The following DPY19L4 variants were observed in gnomAD, a reference collection of about 807,000 sequenced individuals.
DPY19L4 encodes the protein probable C-mannosyltransferase DPY19L4.
In DPY19L4, 97 loss-of-function variants were observed where a neutral mutation model predicts 102.8. The observed-to-expected ratio is 0.94, with a 90% CI of 0.80 to 1.12. The LOEUF (loss-of-function observed/expected upper bound fraction) is 1.12. Among genes scored for constraint, DPY19L4 ranks in the 50% most tolerant of loss-of-function variants. The pLI, the probability that DPY19L4 is intolerant of heterozygous loss-of-function variation, is 0.00. For missense variants in DPY19L4, 815 were observed against 850.4 expected (o/e 0.96, Z 0.52); for synonymous variants, 252 against 283.1 (o/e 0.89, Z 1.10).
chr8:94,764,589 AAAAG>A (rs1329375199), intron 8 of DPY19L4, among the ~76,000 whole-genome samples: 2 of 146,514 alleles, frequency 1.4e-5, no homozygotes, highest in African/African-American at 2.5e-5. Flanking sequence ...AAAAAAAAAA[AAAAG>A]AAAACAGTGA....
At chr8:94,767,036 C>T (rs1812705616) in intron 11 of DPY19L4, among the ~76,000 whole-genome samples, 1 of 150,832 alleles carries the variant, frequency 6.6e-6, no homozygotes, top group Non-Finnish European at 1.5e-5. Context: ...CGCCAGTGCA[C>T]CCCAGCCTGG....
Position 94,739,762 on chromosome 8 carries a change from C to A in DPY19L4, c.583C>A (p.Leu195Ile), listed in dbSNP as rs1398802711. The change falls in exon 6 of 19, where the codon CTT (leucine) becomes ATT (isoleucine). Residue 195 changes from leucine to isoleucine, a missense_variant. Physicochemically the swap from Leu to Ile is conservative, Grantham distance 5. Coordinates refer to ENST00000414645, the MANE Select transcript of DPY19L4 (RefSeq NM_181787.3). Reference protein sequence around the residue: ...LMSGTWLAGMLTVAWFVINRV... With the variant: ...LMSGTWLAGMITVAWFVINRV... ...GAGTGGAACATGGCTAGCAGGAATG[C>A]TTACTGTTGCGTGGTTCGTTATTAA... 6.2e-7 allele frequency: 1 copy of A among 1,612,454 alleles called. No individual in the cohort carries two copies. Among genetic ancestry groups the A allele is most frequent in the Non-Finnish European group, 8.5e-7 (1 of 1,180,028 alleles).
chr8:94,753,050 C>T (rs1214576169), intron 6 of DPY19L4, among the ~76,000 whole-genome samples: 1 of 149,902 alleles, frequency 6.7e-6, no homozygotes, highest in African/African-American at 2.4e-5. Flanking sequence ...TCCTTTGCAA[C>T]TTGATTCCTT....
chr8:94,779,432 C>T (rs1313552038), intron 14 of DPY19L4, among the ~76,000 whole-genome samples: 1 of 151,754 alleles, frequency 6.6e-6, no homozygotes, highest in Non-Finnish European at 1.5e-5. Flanking sequence ...AAGCAATCCT[C>T]CTGCCTCATC....
intron 11 of DPY19L4, among the ~76,000 whole-genome samples, chr8:94,767,467 G>T (rs1203141449): frequency 6.6e-6 from 1 of 151,900 alleles, no homozygotes; most frequent in East Asian, 1.9e-4. Context: ...CTAATTTTTT[G>T]TATTTTTAGT....
chr8:94,750,613 T>C (rs16917008), intron 6 of DPY19L4, among the ~76,000 whole-genome samples: 5,590 of 152,106 alleles, frequency 0.037, 266 homozygotes, highest in African/African-American at 0.11. Flanking sequence ...TGAATGTATA[T>C]GTGAATAACT....
chr8:94,765,348 T>C (rs1275660786), intron 9 of DPY19L4, 34 bp downstream of exon 9: 1 of 1,578,266 alleles, frequency 6.3e-7, no homozygotes, highest in East Asian at 2.3e-5. Context: ...GTTCTTATTT[T>C]GATTTTTTTT....
chr8:94,734,554 G>A (rs942222661), intron 2 of DPY19L4, 76 bp from the exon 3 acceptor site: 43 of 1,457,074 alleles, frequency 3.0e-5, no homozygotes, highest in Admixed American at 2.1e-5. Context: ...AGACCATAGA[G>A]GTAGAATGCC....
intron 6 of DPY19L4, among the ~76,000 whole-genome samples, chr8:94,749,762 C>T (rs16917004): frequency 1.3e-5 from 2 of 152,130 alleles, no homozygotes; most frequent in Non-Finnish European, 2.9e-5. Context: ...AATGATAAAC[C>T]CTTTATGGAT....
intron 3 of DPY19L4, 24 bp from the exon 4 acceptor site, chr8:94,738,345 A>G: frequency 2.2e-6 from 3 of 1,390,860 alleles, no homozygotes; most frequent in South Asian, 1.7e-5. Flanking sequence ...TTAAATTTTA[A>G]ATAATAATTT....
chr8:94,766,256 T>C (rs529937350), intron 10 of DPY19L4, among the ~76,000 whole-genome samples: 2 of 152,268 alleles, frequency 1.3e-5, no homozygotes, highest in South Asian at 4.1e-4. Context: ...GCGCCTGTAA[T>C]CCCAGCTACT....
chr8:94,758,973 G>A (rs563578559), intron 7 of DPY19L4, among the ~76,000 whole-genome samples: 1 of 152,242 alleles, frequency 6.6e-6, no homozygotes, highest in Non-Finnish European at 1.5e-5. Context: ...GAGCTCAAGT[G>A]ATTCGCCTGC....
At chr8:94,752,788 C>T (rs919903760) in intron 6 of DPY19L4, among the ~76,000 whole-genome samples, 22 of 150,970 alleles carry the variant, frequency 1.5e-4, no homozygotes, top group Admixed American at 7.9e-4. Context: ...CCTCAGCCTC[C>T]GGAGTAGCTG....
At chr8:94,749,943 A>C (rs1811845686) in intron 6 of DPY19L4, among the ~76,000 whole-genome samples, 1 of 152,154 alleles carries the variant, frequency 6.6e-6, no homozygotes, top group South Asian at 2.1e-4. Flanking sequence ...CTATATAAAA[A>C]TATTGGTTCA....
intron 2 of DPY19L4, among the ~76,000 whole-genome samples, chr8:94,732,555 A>C (rs1270681321): frequency 6.6e-6 from 1 of 152,182 alleles, no homozygotes. Flanking sequence ...TTTAAAAAAG[A>C]AATAGTTTGT....
chr8:94,733,936 T>C (rs532638653), intron 2 of DPY19L4, among the ~76,000 whole-genome samples: 13 of 152,360 alleles, frequency 8.5e-5, no homozygotes, highest in African/African-American at 3.1e-4. Flanking sequence ...GTTTCCCTTA[T>C]TATTAACATT....
chr8:94,725,851 A>C (rs1286044535), intron 1 of DPY19L4, among the ~76,000 whole-genome samples: 5 of 151,668 alleles, frequency 3.3e-5, no homozygotes. Context: ...CCATGTTAGG[A>C]TGGTCTCGAT....
chr8:94,781,356 A>C (rs912720523), intron 16 of DPY19L4, among the ~76,000 whole-genome samples, 190 bp downstream of exon 16: 1 of 152,198 alleles, frequency 6.6e-6, no homozygotes, highest in African/African-American at 2.4e-5. Flanking sequence ...ATGGGCTTGA[A>C]AATATAGCAT....
chr8:94,772,670 G>A (rs1812986226), intron 13 of DPY19L4, among the ~76,000 whole-genome samples: 1 of 152,214 alleles, frequency 6.6e-6, no homozygotes, highest in Non-Finnish European at 1.5e-5. Context: ...GACCACCTGT[G>A]TGGCTGACCT....
Sources: gnomAD v4.1 joint callset for allele counts (sites outside exome capture counted in the v4.1 genomes callset) on GRCh38, gnomAD v4.1.1 for gene constraint, MANE v1.5 for transcripts, NCBI Gene and HGNC (gene_info 2026-07-23, HGNC 2026-07-21) for gene names.